Variants in INPP5A observed in about 807,000 individuals in gnomAD.
INPP5A encodes the protein 43 kDa inositol polyphosphate 5-phophatase.
INPP5A carries 14 observed loss-of-function variants against 65.2 expected under a neutral mutation model. The observed-to-expected ratio is 0.21, with a 90% confidence interval of 0.14 to 0.34. The LOEUF (loss-of-function observed/expected upper bound fraction) is 0.34. INPP5A is among the 10% of genes least tolerant of loss of function. The pLI is 1.00. For synonymous variants in INPP5A, 207 were observed against 208.3 expected (o/e 0.99, Z 0.05); for missense variants, 431 against 545.6 (o/e 0.79, Z 2.09).
At chr10:132,755,439 T>A (rs1196885445) in intron 11 of INPP5A, among the ~76,000 whole-genome samples, 1 of 149,154 alleles carries the variant, frequency 6.7e-6, no homozygotes, top group Non-Finnish European at 1.5e-5. Flanking sequence ...AGTGGGTGTG[T>A]GCATGAGAGC....
intron 2 of INPP5A, among the ~76,000 whole-genome samples, chr10:132,617,377 G>A (rs931691182): frequency 1.3e-5 from 2 of 152,176 alleles, no homozygotes; most frequent in South Asian, 2.1e-4. Flanking sequence ...CTTTCCCTCC[G>A]GTGACTGCAG....
chr10:132,615,767 G>A (rs2072023309), intron 2 of INPP5A, among the ~76,000 whole-genome samples: 1 of 152,220 alleles, frequency 6.6e-6, no homozygotes, highest in African/African-American at 2.4e-5. Flanking sequence ...GGGCTTTGAG[G>A]ACAGAGTGGG....
chr10:132,752,395 G>C (rs943334263), intron 11 of INPP5A, among the ~76,000 whole-genome samples: 1 of 151,200 alleles, frequency 6.6e-6, no homozygotes. Context: ...GTTCCCAGCC[G>C]GGGCTGCGTG....
At chr10:132,572,069 G>C (rs1289686323) in intron 1 of INPP5A, among the ~76,000 whole-genome samples, 1 of 152,202 alleles carries the variant, frequency 6.6e-6, no homozygotes, top group Non-Finnish European at 1.5e-5. Flanking sequence ...GCCCTCTTGG[G>C]ACTTACACAC....
intron 1 of INPP5A, among the ~76,000 whole-genome samples, chr10:132,590,464 G>C (rs1037930813): frequency 1.8e-4 from 28 of 152,290 alleles, no homozygotes; most frequent in African/African-American, 6.5e-4. Flanking sequence ...CACCTCCTGG[G>C]GCACAGAGGA....
At chr10:132,722,144 TAA>T in intron 8 of INPP5A, among the ~76,000 whole-genome samples, 1 of 152,348 alleles carries the variant, frequency 6.6e-6, no homozygotes, top group South Asian at 2.1e-4. Flanking sequence ...TTTGCTTATG[TAA>T]AGTTGTTTGA....
chr10:132,714,044 C>G (rs1845696472), intron 8 of INPP5A, among the ~76,000 whole-genome samples: 1 of 152,190 alleles, frequency 6.6e-6, no homozygotes, highest in African/African-American at 2.4e-5. Flanking sequence ...GGGGACCTCC[C>G]ACGGAGCCCA....
intron 4 of INPP5A, among the ~76,000 whole-genome samples, chr10:132,687,882 A>T (rs1322959701): frequency 6.6e-6 from 1 of 152,250 alleles, no homozygotes. Context: ...GTCGGTGCAC[A>T]GGACTCAGGC....
intron 4 of INPP5A, among the ~76,000 whole-genome samples, chr10:132,687,746 TGCAA>T (rs1393061196): frequency 1.3e-5 from 2 of 152,146 alleles, no homozygotes; most frequent in African/African-American, 4.8e-5. Context: ...TGTGTGCACA[TGCAA>T]GCGAGCACTC....
At chr10:132,562,948 T>G (rs531641586) in intron 1 of INPP5A, among the ~76,000 whole-genome samples, 4 of 152,162 alleles carry the variant, frequency 2.6e-5, no homozygotes, top group Non-Finnish European at 5.9e-5. Flanking sequence ...CCCTGTATGC[T>G]CTTCCCTGGC....
At chr10:132,620,438 G>C (rs1169389520) in intron 2 of INPP5A, among the ~76,000 whole-genome samples, 1 of 152,164 alleles carries the variant, frequency 6.6e-6, no homozygotes, top group Non-Finnish European at 1.5e-5. Flanking sequence ...TAGGCTGTTA[G>C]AAGCAGCCAG....
intron 4 of INPP5A, among the ~76,000 whole-genome samples, chr10:132,669,655 G>A (rs1016516673): frequency 5.3e-5 from 8 of 152,204 alleles, no homozygotes; most frequent in Non-Finnish European, 1.0e-4. Context: ...CAGTGACTTG[G>A]TCAAGCTTGG....
chr10:132,768,131 C>G (rs1846884804), intron 12 of INPP5A, among the ~76,000 whole-genome samples: 1 of 149,678 alleles, frequency 6.7e-6, no homozygotes, highest in African/African-American at 2.5e-5. Context: ...GCCCACGTGC[C>G]CATTGGCATT....
At chr10:132,617,713 A>G (rs941805683) in intron 2 of INPP5A, among the ~76,000 whole-genome samples, 4 of 152,202 alleles carry the variant, frequency 2.6e-5, no homozygotes, top group Non-Finnish European at 5.9e-5. Context: ...GTGTGGAGCA[A>G]CTGCCTGCCA....
At chr10:132,712,434 CGTGTGTGGGT>C (rs1845656977) in intron 8 of INPP5A, among the ~76,000 whole-genome samples, 1 of 144,022 alleles carries the variant, frequency 6.9e-6, no homozygotes, top group Non-Finnish European at 1.5e-5. Flanking sequence ...TGTGTGCACG[CGTGTGTGGGT>C]GTGTGTGGGT....
chr10:132,652,746 C>G (rs935034823), intron 4 of INPP5A, among the ~76,000 whole-genome samples: 3 of 152,218 alleles, frequency 2.0e-5, no homozygotes, highest in African/African-American at 7.2e-5. Context: ...CCTTGTAAAA[C>G]AGTCGTTAGA....
chr10:132,736,553 A>G (rs757564735), intron 9 of INPP5A, among the ~76,000 whole-genome samples: 1 of 152,182 alleles, frequency 6.6e-6, no homozygotes. Context: ...TTCCCAAAAC[A>G]CGGCTCTCAA....
intron 1 of INPP5A, among the ~76,000 whole-genome samples, chr10:132,583,372 C>T (rs182236773): frequency 6.6e-6 from 1 of 152,294 alleles, no homozygotes; most frequent in African/African-American, 2.4e-5. Context: ...GCACCTTTTT[C>T]TCCAGGCTTG....
At chr10:132,725,145 A>G (rs1845963728) in intron 8 of INPP5A, among the ~76,000 whole-genome samples, 1 of 152,284 alleles carries the variant, frequency 6.6e-6, no homozygotes, top group African/African-American at 2.4e-5. Context: ...CAGGCTGTGA[A>G]CAGGTGAAAT....
Sources: gnomAD v4.1 joint callset for allele counts (sites outside exome capture counted in the v4.1 genomes callset) on GRCh38, gnomAD v4.1.1 for gene constraint, MANE v1.5 for transcripts, NCBI Gene and HGNC (gene_info 2026-07-23, HGNC 2026-07-21) for gene names.